Variants in PPM1H observed in about 807,000 individuals in gnomAD.
The protein encoded by PPM1H is protein phosphatase 1H.
A neutral mutation model predicts 54.9 loss-of-function variants in PPM1H; 27 were observed. That is an observed-to-expected ratio of 0.49 (90% CI 0.36 to 0.68). The LOEUF is 0.68. Ranked by LOEUF, PPM1H falls within the 30% of genes least tolerant of loss-of-function variation. The pLI is 0.00. For synonymous variants in PPM1H, 305 were observed against 270.8 expected, an observed-to-expected ratio of 1.13 and a Z score of -1.24; for missense variants, 596 against 667.8, an observed-to-expected ratio of 0.89 and a Z score of 1.19.
intron 1 of PPM1H, among the ~76,000 whole-genome samples, chr12:62,880,716 G>A (rs1054504600): frequency 1.3e-5 from 2 of 152,276 alleles, no homozygotes; most frequent in East Asian, 3.9e-4. Context: ...CACTTGTCCC[G>A]TGCTCAGCTC....
At chr12:62,665,263 G>T (rs1056197896) in intron 9 of PPM1H, among the ~76,000 whole-genome samples, 3 of 152,110 alleles carry the variant, frequency 2.0e-5, no homozygotes, top group African/African-American at 7.2e-5. Context: ...TGGCTAGGCT[G>T]GTCTTGAACT....
intron 1 of PPM1H, among the ~76,000 whole-genome samples, chr12:62,914,642 C>T (rs532025902): frequency 5.3e-4 from 81 of 152,286 alleles, no homozygotes; most frequent in Non-Finnish European, 1.0e-3. Flanking sequence ...AACATTTAGC[C>T]TTCTCCATTA....
At chr12:62,776,371 C>G (rs1325072465) in intron 4 of PPM1H, among the ~76,000 whole-genome samples, 4 of 152,208 alleles carry the variant, frequency 2.6e-5, no homozygotes, top group African/African-American at 9.7e-5. Context: ...CTATGTTTCT[C>G]TTTAGAAATT....
chr12:62,664,746 C>A (rs2075907027), intron 9 of PPM1H, among the ~76,000 whole-genome samples: 1 of 152,138 alleles, frequency 6.6e-6, no homozygotes, highest in Non-Finnish European at 1.5e-5. Flanking sequence ...GGATCATTTC[C>A]TTTTCTTACC....
intron 9 of PPM1H, among the ~76,000 whole-genome samples, chr12:62,660,724 T>C (rs1200353625): frequency 2.0e-5 from 3 of 152,178 alleles, no homozygotes; most frequent in African/African-American, 7.2e-5. Context: ...ATATAAGACC[T>C]GAAACTACGA....
chr12:62,706,904 G>A (rs180857386), intron 6 of PPM1H, among the ~76,000 whole-genome samples: 51 of 152,146 alleles, frequency 3.4e-4, no homozygotes, highest in Non-Finnish European at 5.1e-4. Flanking sequence ...AAACATACCA[G>A]TACTCCTAGG....
At chr12:62,675,212 C>T (rs1408074070) in intron 8 of PPM1H, among the ~76,000 whole-genome samples, 1 of 152,032 alleles carries the variant, frequency 6.6e-6, no homozygotes, top group East Asian at 1.9e-4. Flanking sequence ...AGGGTAGATA[C>T]GATATAACAG....
At chr12:62,855,889 A>G (rs1565810883) in intron 1 of PPM1H, among the ~76,000 whole-genome samples, 1 of 152,306 alleles carries the variant, frequency 6.6e-6, no homozygotes, top group East Asian at 1.9e-4. Context: ...ACTTTGAAAG[A>G]GTTTGATCCT....
chr12:62,748,751 A>T (rs1207164734), intron 4 of PPM1H, among the ~76,000 whole-genome samples: 1 of 152,188 alleles, frequency 6.6e-6, no homozygotes, highest in Non-Finnish European at 1.5e-5. Flanking sequence ...CATATATGTG[A>T]GTAATTGGTG....
At chr12:62,721,924 C>G (rs2076266220) in intron 5 of PPM1H, among the ~76,000 whole-genome samples, 2 of 152,056 alleles carry the variant, frequency 1.3e-5, no homozygotes, top group Non-Finnish European at 2.9e-5. Flanking sequence ...GTTCTAATTT[C>G]ACCCTCTTAA....
chr12:62,727,736 C>G (rs1431618019), intron 5 of PPM1H, among the ~76,000 whole-genome samples: 1 of 151,408 alleles, frequency 6.6e-6, no homozygotes, highest in Non-Finnish European at 1.5e-5. Context: ...TCTTGGCTCA[C>G]TGCAATGTCT....
intron 9 of PPM1H, among the ~76,000 whole-genome samples, chr12:62,650,012 C>G (rs1399008352): frequency 6.6e-6 from 1 of 152,220 alleles, no homozygotes; most frequent in East Asian, 1.9e-4. Context: ...TGACCTTTCT[C>G]TACTTGGAAT....
chr12:62,802,301 CAAAACAAAAT>C lies in PPM1H; in HGVS notation c.412-151_412-142del, dbSNP rs531245649. ...AACAATGCGGTCAAAACATAGCAAA[CAAAACAAAAT>C]AAAACAAACAAAAACAAAAACAAAA... On this transcript the variant is annotated intron_variant, in intron 2 of 9. Transcript: ENST00000228705. 4.5e-3 allele frequency: 2,740 copies of C among 602,214 alleles called. 20 individuals are homozygous for C. The highest frequency in any genetic ancestry group is 4.1e-3 in the East Asian group (125 of 30,284). 37.3% of individuals were successfully genotyped at this position (602,214 alleles called of 1,614,324 possible).
intron 1 of PPM1H, among the ~76,000 whole-genome samples, chr12:62,879,613 G>T (rs1000858313): frequency 2.0e-5 from 3 of 152,192 alleles, no homozygotes. Context: ...GGCCTGTTGG[G>T]GTACGGGAGG....
chr12:62,744,166 TAAAAAA>T (rs549496108), intron 4 of PPM1H, among the ~76,000 whole-genome samples: 2 of 129,458 alleles, frequency 1.5e-5, no homozygotes, highest in Non-Finnish European at 1.6e-5. Context: ...TATACAGTCA[TAAAAAA>T]AAAAAAAAAA....
intron 6 of PPM1H, among the ~76,000 whole-genome samples, chr12:62,702,558 G>GAGAGAA (rs2120384745): frequency 6.6e-6 from 1 of 151,794 alleles, no homozygotes; most frequent in African/African-American, 2.4e-5. Flanking sequence ...GAGAGAGAGA[G>GAGAGAA]AGAGAGAGAG....
chr12:62,760,254 A>C (rs1296395033), intron 4 of PPM1H, among the ~76,000 whole-genome samples: 1 of 152,064 alleles, frequency 6.6e-6, no homozygotes, highest in African/African-American at 2.4e-5. Context: ...ATTCTTTTAC[A>C]CATTGGTTCC....
At chr12:62,809,550 AT>A (rs1054128744) in intron 2 of PPM1H, among the ~76,000 whole-genome samples, 17 of 152,224 alleles carry the variant, frequency 1.1e-4, no homozygotes, top group African/African-American at 4.1e-4. Flanking sequence ...TAAGCCAGAA[AT>A]AAGGTGGCCT....
intron 1 of PPM1H, among the ~76,000 whole-genome samples, chr12:62,881,980 A>G (rs370355604): frequency 3.9e-5 from 6 of 152,340 alleles, no homozygotes; most frequent in African/African-American, 1.4e-4. Context: ...ATTTAACAGC[A>G]CAATTCTAGA....
Sources: gnomAD v4.1 joint callset for allele counts (sites outside exome capture counted in the v4.1 genomes callset) on GRCh38, gnomAD v4.1.1 for gene constraint, MANE v1.5 for transcripts, NCBI Gene and HGNC (gene_info 2026-07-23, HGNC 2026-07-21) for gene names.